The following PCDH10 variants were observed in gnomAD, a reference collection of about 807,000 sequenced individuals.
PCDH10 encodes protocadherin-10.
A neutral mutation model predicts 74.4 loss-of-function variants in PCDH10; 15 were observed. The ratio of observed to expected loss-of-function variants is 0.20; its 90% CI spans 0.13 to 0.31. The LOEUF is 0.31. Among genes scored for constraint, PCDH10 ranks in the 10% least tolerant of loss-of-function variants. PCDH10 has a pLI of 1.00. For synonymous variants in PCDH10, 619 were observed against 589.8 expected (o/e 1.05, Z -0.72); for missense variants, 1,260 against 1,390.2 (o/e 0.91, Z 1.49).
intron 2 of PCDH10, among the ~76,000 whole-genome samples, chr4:133,205,769 TTAC>T (rs1727987669): frequency 6.6e-6 from 1 of 152,110 alleles, no homozygotes; most frequent in Admixed American, 6.6e-5. Context: ...TTTTATTTTA[TTAC>T]TACTATTATT....
rs545002695 is a variant in PCDH10 at position 133,191,622 on chromosome 4, G to A, written c.*1462G>A. ...TTTTTTCTACTGTTGTGTATGCCTT[G>A]TTAGAACACATTCGAGAGAGGAAAA... On this transcript the variant is annotated 3_prime_UTR_variant, in exon 5 of 5. Coordinates refer to ENST00000264360, the MANE Select transcript of PCDH10 (RefSeq NM_032961.3). The A allele has an allele frequency of 2.0e-5, 3 of 151,604 alleles. No individual in the cohort carries two copies. The allele number at this position is 151,604 out of a possible 1,614,324, so 9.4% of individuals were successfully genotyped here.
At chr4:133,199,037 T>G (rs1435852221), downstream of PCDH10, among the ~76,000 whole-genome samples, 2 of 151,938 alleles carry the variant, frequency 1.3e-5, no homozygotes, top group African/African-American at 2.4e-5. Context: ...ATCCCAGCAC[T>G]TTAGGAGGAT....
chr4:133,208,246 C>T (rs998057771), exon 3 of PCDH10: 1 of 152,274 alleles, frequency 6.6e-6, no homozygotes, highest in Admixed American at 6.5e-5. Flanking sequence ...GCCAGAGGCA[C>T]CCAGTTAAGC....
chr4:133,206,731 G>T (rs961207547), intron 2 of PCDH10, among the ~76,000 whole-genome samples: 2 of 152,008 alleles, frequency 1.3e-5, no homozygotes, highest in South Asian at 2.1e-4. Flanking sequence ...AGGAAGAAAG[G>T]TTAGTGCATT....
At chr4:133,202,147 G>T (rs1209492016) in intron 2 of PCDH10, among the ~76,000 whole-genome samples, 2 of 152,110 alleles carry the variant, frequency 1.3e-5, no homozygotes, top group Non-Finnish European at 2.9e-5. Flanking sequence ...GGTAAAGAGG[G>T]CTATGCATGA....
intron 2 of PCDH10, among the ~76,000 whole-genome samples, chr4:133,206,551 T>C (rs985104576): frequency 6.6e-6 from 1 of 152,226 alleles, no homozygotes; most frequent in African/African-American, 2.4e-5. Context: ...CTTTACACTC[T>C]TAGCTTCCAG....
chr4:133,199,775 T>TTATTATTAC (rs1727865530), intron 2 of PCDH10, among the ~76,000 whole-genome samples: 1 of 145,166 alleles, frequency 6.9e-6, no homozygotes, highest in African/African-American at 2.5e-5. Flanking sequence ...ATTATTATTA[T>TTATTATTAC]TATTATTATT....
At chr4:133,162,914 A>C in intron 3 of PCDH10, 63 bp from the exon 4 acceptor site, 2 of 1,381,314 alleles carry the variant, frequency 1.4e-6, no homozygotes, top group Non-Finnish European at 2.0e-6. Context: ...GTAATCTTAC[A>C]CTGCTAAGTA....
rs1443022402 is a variant in PCDH10 at position 133,190,287 on chromosome 4, A to G, written c.*127A>G. 1.2e-6 allele frequency: 1 copy of G among 837,902 alleles called. No individual in the cohort carries two copies. The highest frequency in any genetic ancestry group is 2.1e-6 in the Non-Finnish European group (1 of 487,738). 51.9% of individuals were successfully genotyped at this position (837,902 alleles called of 1,614,324 possible). A position where few individuals can be genotyped will look rare whatever the true frequency, so the allele number is the denominator to read the frequency against. ...TGTGTAACTGAGTATTAGATTTCGG[A>G]TGGAGTCATCATGGCCAATTATAGG... On this transcript the variant is annotated 3_prime_UTR_variant, in exon 5 of 5. Transcript: ENST00000264360.
At chr4:133,165,018 GTA>G (rs1036358088) in intron 4 of PCDH10, among the ~76,000 whole-genome samples, 12 of 146,026 alleles carry the variant, frequency 8.2e-5, no homozygotes, top group African/African-American at 3.0e-4. Context: ...ATATATATGT[GTA>G]TATATATGCA....
At chr4:133,200,213 T>A (rs1220111524) in intron 2 of PCDH10, among the ~76,000 whole-genome samples, 1 of 152,076 alleles carries the variant, frequency 6.6e-6, no homozygotes, top group Non-Finnish European at 1.5e-5. Flanking sequence ...TTCTCATTAA[T>A]AATGTTTAGA....
At position 133,194,381 on chromosome 4, in the gene PCDH10, T is replaced by C. The variant is rs930726128; in HGVS notation, c.*4221T>C. 4 of 151,788 alleles carry C rather than the reference T, an allele frequency of 2.6e-5. No individual in the cohort carries two copies. The highest frequency in any genetic ancestry group is 9.7e-5 in the African/African-American group (4 of 41,394). The allele number at this position is 151,788 out of a possible 1,614,324, so 9.4% of individuals were successfully genotyped here. A position where few individuals can be genotyped will look rare whatever the true frequency, so the allele number is the denominator to read the frequency against. The stretch of plus-strand genomic sequence containing the variant: ...GGAACTCAGACTTCCAATACATTCA[T>C]ACATGCTAGAGCTGAAAGTAAGCAG... On this transcript the variant is annotated 3_prime_UTR_variant, in exon 5 of 5. Transcript: ENST00000264360.
At chr4:133,199,010 G>T (rs1727849219), downstream of PCDH10, among the ~76,000 whole-genome samples, 4 of 152,116 alleles carry the variant, frequency 2.6e-5, no homozygotes, top group Non-Finnish European at 4.4e-5. Flanking sequence ...CTGGCTGGCG[G>T]CTCACACTTG....
chr4:133,167,767 T>G (rs1370012246), intron 4 of PCDH10, among the ~76,000 whole-genome samples: 1 of 151,464 alleles, frequency 6.6e-6, no homozygotes, highest in Non-Finnish European at 1.5e-5. Flanking sequence ...CTTTTTCAGT[T>G]TATTTCTTTG....
At chr4:133,205,955 T>C in intron 2 of PCDH10, among the ~76,000 whole-genome samples, 1 of 152,306 alleles carries the variant, frequency 6.6e-6, no homozygotes, top group Non-Finnish European at 1.5e-5. Flanking sequence ...GAGACTTTTC[T>C]TAATGTCTTA....
intron 4 of PCDH10, among the ~76,000 whole-genome samples, chr4:133,177,797 C>A (rs2125868857): frequency 6.6e-6 from 1 of 152,182 alleles, no homozygotes; most frequent in African/African-American, 2.4e-5. Flanking sequence ...CACTAGTTTT[C>A]AATGAGTCTG....
rs1726713205 is a variant in PCDH10, at chr4:133,151,909, T to C, written c.1769T>C (p.Leu590Pro). The change falls in exon 1 of 5, where the codon CTG becomes CCG. Residue 590 changes from leucine (L) to proline (P), a missense_variant. Transcript: ENST00000264360. Reference protein sequence around the residue: ...GRNGTPAREVLPRSAEPGYLL... With the variant: ...GRNGTPAREVPPRSAEPGYLL... ...AACGGGACTCCAGCGCGTGAGGTGCTGCCCCGCTCGGCGGAGCCGGGTTAC... is the reference window on the plus strand; with the variant it reads ...AACGGGACTCCAGCGCGTGAGGTGCCGCCCCGCTCGGCGGAGCCGGGTTAC... The C allele has an allele frequency of 6.2e-7, 1 of 1,612,558 alleles. No individual in the cohort carries two copies. Among genetic ancestry groups the C allele is most frequent in the Non-Finnish European group, 8.5e-7 (1 of 1,179,766 alleles).
At chr4:133,160,892 A>G (rs1237709274) in intron 3 of PCDH10, among the ~76,000 whole-genome samples, 1 of 152,038 alleles carries the variant, frequency 6.6e-6, no homozygotes, top group Non-Finnish European at 1.5e-5. Context: ...CTACTATTAA[A>G]AAAATCTATG....
At chr4:133,201,497 G>A (rs570264506) in intron 2 of PCDH10, among the ~76,000 whole-genome samples, 1 of 152,232 alleles carries the variant, frequency 6.6e-6, no homozygotes, top group African/African-American at 2.4e-5. Flanking sequence ...ACTAGCGGAT[G>A]TAATTGAATT....
Sources: gnomAD v4.1 joint callset for allele counts (sites outside exome capture counted in the v4.1 genomes callset) on GRCh38, gnomAD v4.1.1 for gene constraint, MANE v1.5 for transcripts, NCBI Gene and HGNC (gene_info 2026-07-23, HGNC 2026-07-21) for gene names.